The following RBMS3 variants were observed in gnomAD, a reference collection of about 807,000 sequenced individuals.
The protein encoded by RBMS3 is RNA-binding motif, single-stranded-interacting protein 3.
A neutral mutation model predicts 66.8 loss-of-function variants in RBMS3; 27 were observed. The observed-to-expected ratio is 0.40, with a 90% confidence interval of 0.30 to 0.56. The LOEUF (loss-of-function observed/expected upper bound fraction) is 0.56, where lower values mean the gene tolerates loss of function less well. Among genes scored for constraint, RBMS3 ranks in the 20% least tolerant of loss-of-function variants. The pLI is 0.40. For synonymous variants in RBMS3, 188 were observed against 183.0 expected, an observed-to-expected ratio of 1.03 and a Z score of -0.22; for missense variants, 513 against 549.5, an observed-to-expected ratio of 0.93 and a Z score of 0.66.
At chr3:29,869,408 T>A (rs565415040) in intron 7 of RBMS3, among the ~76,000 whole-genome samples, 1 of 152,272 alleles carries the variant, frequency 6.6e-6, no homozygotes, top group East Asian at 1.9e-4. Context: ...TGCACATGTA[T>A]GTATATTTAT....
chr3:29,709,783 G>A (rs988735864), intron 4 of RBMS3, among the ~76,000 whole-genome samples: 1 of 152,102 alleles, frequency 6.6e-6, no homozygotes, highest in Non-Finnish European at 1.5e-5. Context: ...ACTGCCTGTA[G>A]ATAATTGAAA....
chr3:29,525,662 C>T (rs1369521645), intron 3 of RBMS3, among the ~76,000 whole-genome samples: 1 of 152,164 alleles, frequency 6.6e-6, no homozygotes, highest in Non-Finnish European at 1.5e-5. Flanking sequence ...CTCAATAGTA[C>T]AATATATTCA....
chr3:29,627,267 C>G (rs1245059483), intron 4 of RBMS3, among the ~76,000 whole-genome samples: 1 of 148,168 alleles, frequency 6.7e-6, no homozygotes, highest in African/African-American at 2.5e-5. Context: ...GTCTCTCTCT[C>G]TCTCTCTTTC....
intron 6 of RBMS3, among the ~76,000 whole-genome samples, chr3:29,854,474 A>T (rs950602701): frequency 6.6e-6 from 1 of 152,200 alleles, no homozygotes; most frequent in Non-Finnish European, 1.5e-5. Context: ...TAGATTTGAG[A>T]CACCTTCAGG....
chr3:29,308,026 A>G (rs1404398968), intron 1 of RBMS3, among the ~76,000 whole-genome samples: 1 of 151,900 alleles, frequency 6.6e-6, no homozygotes, highest in Admixed American at 6.6e-5. Flanking sequence ...AATGCACTAG[A>G]TTCCTCACCA....
At chr3:29,825,698 C>G (rs973662986) in intron 6 of RBMS3, among the ~76,000 whole-genome samples, 1 of 152,104 alleles carries the variant, frequency 6.6e-6, no homozygotes, top group Non-Finnish European at 1.5e-5. Flanking sequence ...TATAAATTAC[C>G]CAGTCTTGGG....
At chr3:29,543,095 G>A (rs1416648302) in intron 3 of RBMS3, among the ~76,000 whole-genome samples, 1 of 152,102 alleles carries the variant, frequency 6.6e-6, no homozygotes, top group Non-Finnish European at 1.5e-5. Flanking sequence ...CCACATATGG[G>A]GAAGGAAGCA....
At chr3:29,668,224 A>T (rs2050845375) in intron 4 of RBMS3, among the ~76,000 whole-genome samples, 1 of 152,258 alleles carries the variant, frequency 6.6e-6, no homozygotes, top group Non-Finnish European at 1.5e-5. Context: ...CATAAATCAG[A>T]CATTAGAAAA....
At chr3:29,934,908 G>A (rs976230791) in intron 10 of RBMS3, among the ~76,000 whole-genome samples, 1 of 152,090 alleles carries the variant, frequency 6.6e-6, no homozygotes, top group Admixed American at 6.6e-5. Context: ...TTGAGCAAAA[G>A]CATTTTAGGA....
chr3:29,366,674 G>A (rs145594231), intron 1 of RBMS3, among the ~76,000 whole-genome samples: 158 of 152,120 alleles, frequency 1.0e-3, no homozygotes, highest in African/African-American at 3.6e-3. Flanking sequence ...CACACCTGGC[G>A]ATATCCAACT....
At chr3:29,710,516 C>T (rs1259953339) in intron 4 of RBMS3, among the ~76,000 whole-genome samples, 1 of 152,158 alleles carries the variant, frequency 6.6e-6, no homozygotes, top group Non-Finnish European at 1.5e-5. Context: ...GTCGCAGGCA[C>T]AGCATTCGGG....
chr3:29,393,902 A>C (rs2039425716), intron 1 of RBMS3, among the ~76,000 whole-genome samples: 1 of 152,154 alleles, frequency 6.6e-6, no homozygotes, highest in Non-Finnish European at 1.5e-5. Context: ...AAAGATCACA[A>C]GGGCAGAGAT....
At chr3:29,951,291 GTTTGT>G (rs1485555201) in intron 12 of RBMS3, among the ~76,000 whole-genome samples, 1 of 149,352 alleles carries the variant, frequency 6.7e-6, no homozygotes, top group Non-Finnish European at 1.5e-5. Context: ...ACCAGACACT[GTTTGT>G]TTTCATTCTC....
At chr3:29,344,462 C>T (rs2036458084) in intron 1 of RBMS3, among the ~76,000 whole-genome samples, 1 of 152,158 alleles carries the variant, frequency 6.6e-6, no homozygotes, top group Non-Finnish European at 1.5e-5. Context: ...TGCTTCAGTT[C>T]AGCAGTTTTG....
At chr3:29,520,399 G>A (rs1472541804) in intron 3 of RBMS3, among the ~76,000 whole-genome samples, 1 of 151,784 alleles carries the variant, frequency 6.6e-6, no homozygotes, top group Admixed American at 6.6e-5. Context: ...AAATATTTGG[G>A]GCTTGCACTA....
intron 1 of RBMS3, among the ~76,000 whole-genome samples, chr3:29,299,129 G>T (rs992799883): frequency 6.6e-6 from 1 of 151,938 alleles, no homozygotes. Context: ...CTTGGGCCAG[G>T]TTTGAGGTGG....
At chr3:29,462,883 G>C (rs935612887) in intron 2 of RBMS3, among the ~76,000 whole-genome samples, 8 of 152,144 alleles carry the variant, frequency 5.3e-5, no homozygotes, top group African/African-American at 1.9e-4. Context: ...GATAGCTTCA[G>C]TTTTTTAGAG....
At chr3:29,732,984 A>AT (rs1258040563) in intron 4 of RBMS3, among the ~76,000 whole-genome samples, 1 of 151,934 alleles carries the variant, frequency 6.6e-6, no homozygotes, top group African/African-American at 2.4e-5. Context: ...TCTCATTTGT[A>AT]TTTTTTGGAA....
At chr3:29,651,683 C>A (rs532147175) in intron 4 of RBMS3, among the ~76,000 whole-genome samples, 13 of 152,068 alleles carry the variant, frequency 8.5e-5, no homozygotes, top group Non-Finnish European at 1.8e-4. Context: ...ATAGAAAACT[C>A]TTTTCGTTCA....
Sources: allele counts gnomAD v4.1 joint callset (sites outside exome capture counted in the v4.1 genomes callset), GRCh38; gene constraint gnomAD v4.1.1; transcripts MANE v1.5; gene names NCBI Gene and HGNC (gene_info 2026-07-23, HGNC 2026-07-21).